PARD3B: variants seen among roughly 807,000 people sequenced by gnomAD.
The protein encoded by PARD3B is par-3 family cell polarity regulator beta.
Under a neutral mutation model 130.2 loss-of-function variants are expected in PARD3B, and 103 were observed. The observed-to-expected ratio is 0.79, with a 90% confidence interval of 0.67 to 0.93. The LOEUF (loss-of-function observed/expected upper bound fraction) is 0.93. Ranked by LOEUF, PARD3B falls within the 40% of genes least tolerant of loss-of-function variation. The pLI is 0.00. For synonymous variants in PARD3B, 583 were observed against 553.2 expected (o/e 1.05, Z -0.76); for missense variants, 1,609 against 1,499.2 (o/e 1.07, Z -1.21).
At position 204,712,660 on chromosome 2, in the gene PARD3B, T is replaced by C. The variant is rs61014400; in HGVS notation, c.222+26378T>C. 0.012 allele frequency among the ~76,000 whole-genome samples: 1,790 copies of C among 151,748 alleles called. 71 individuals are homozygous for C. The East Asian group carries it at 0.14, about 12-fold the overall frequency. ...AAAGTGAACAACAAAAAATTGTTTT[T>C]CCTTTTTATTAGCAATATAATCCAT... On this transcript the variant is annotated intron_variant, in intron 2 of 22. Coordinates refer to ENST00000406610, the MANE Select transcript of PARD3B (RefSeq NM_001302769.2).
At chr2:205,542,380 G>GTGTGTGTGTGTGTGTGTGTGTGTGTA (rs1392791104) in intron 21 of PARD3B, among the ~76,000 whole-genome samples, 1 of 147,646 alleles carries the variant, frequency 6.8e-6, no homozygotes, top group African/African-American at 2.5e-5. Context: ...GTGTGTGTGT[G>GTGTGTGTGTGTGTGTGTGTGTGTGTA]TGTATGTATG....
rs1689106362 is a variant in PARD3B, at chr2:204,943,875, G to A, written c.223-21277G>A. 6.6e-6 allele frequency among the ~76,000 whole-genome samples: 1 copy of A among 152,108 alleles called. No individual in the cohort carries two copies. Among genetic ancestry groups the A allele is most frequent in the African/African-American group, 2.4e-5 (1 of 41,432 alleles). On this transcript the variant is annotated intron_variant, in intron 2 of 22. Transcript: ENST00000406610. The surrounding 1 kb of genome is among the most constrained non-coding windows in gnomAD (Gnocchi z 4.2). ...ACTGAGATTTCAGAGGGGAAACAAA[G>A]TTAAAGCCCAAAGAGTAAAATACTA...
chr2:205,368,860 CAAA>C (rs76938901), intron 18 of PARD3B, among the ~76,000 whole-genome samples: 6 of 146,944 alleles, frequency 4.1e-5, no homozygotes, highest in South Asian at 2.1e-4. Context: ...CTTGGGAAAA[CAAA>C]AAAAAAAAAA....
chr2:204,616,249 G>A (rs1388632599), intron 1 of PARD3B, among the ~76,000 whole-genome samples: 1 of 152,138 alleles, frequency 6.6e-6, no homozygotes, highest in East Asian at 1.9e-4. Flanking sequence ...TCTAAAATAT[G>A]CAAAGAATAT....
Position 204,941,200 on chromosome 2 carries a change from T to C in PARD3B, c.223-23952T>C, listed in dbSNP as rs201212166. Among the ~76,000 whole-genome samples the C allele has an allele frequency of 2.0e-5, 3 of 152,208 alleles. No homozygotes were observed. In the East Asian group the frequency reaches 5.8e-4, roughly 29 times the overall value. ...ACCAGTCTGTCCAACATGGCCAAAC[T>C]CCGTCTCTACTAAAAATACAAAAAT... On this transcript the variant is annotated intron_variant, in intron 2 of 22. Transcript: ENST00000406610.
chr2:205,275,642 C>T (rs899393698), intron 16 of PARD3B, among the ~76,000 whole-genome samples: 6 of 151,832 alleles, frequency 4.0e-5, no homozygotes, highest in African/African-American at 1.5e-4. Context: ...TCGAGACCAG[C>T]CTTACCAACA....
chr2:204,928,700 C>T (rs542334937), intron 2 of PARD3B, among the ~76,000 whole-genome samples: 15 of 152,080 alleles, frequency 9.9e-5, no homozygotes, highest in Non-Finnish European at 1.9e-4. Context: ...CAGAACTTTA[C>T]CTTCCCTTGC....
chr2:205,523,638 A>AACCTGTGGTATTTAATATACAG (rs2051193563), intron 21 of PARD3B, among the ~76,000 whole-genome samples: 1 of 152,104 alleles, frequency 6.6e-6, no homozygotes, highest in African/African-American at 2.4e-5. Flanking sequence ...TATACTTTTT[A>AACCTGTGGTATTTAATATACAG]ACCTGTGGTA....
chr2:205,365,097 G>A (rs1225577851), intron 18 of PARD3B, among the ~76,000 whole-genome samples: 2 of 152,034 alleles, frequency 1.3e-5, no homozygotes, highest in African/African-American at 2.4e-5. Context: ...CTACTTGGGA[G>A]GCTAAGGCAG....
chr2:205,230,389 G>A lies in PARD3B; in HGVS notation c.2141-15389G>A, dbSNP rs762409412. Among the ~76,000 whole-genome samples the A allele has an allele frequency of 1.3e-5, 2 of 152,136 alleles. No individual in the cohort carries two copies. Among genetic ancestry groups the A allele is most frequent in the Admixed American group, 6.5e-5 (1 of 15,280 alleles). ...TCTGGGTTCTCCCCTTCAAAGCTGCGAGTTTCCTTCTGGCAGAGTGTGTGT... is the reference window on the plus strand; with the variant it reads ...TCTGGGTTCTCCCCTTCAAAGCTGCAAGTTTCCTTCTGGCAGAGTGTGTGT... On this transcript the variant is annotated intron_variant, in intron 15 of 22. Transcript: ENST00000406610. This position sits in a 1 kb window ranked among gnomAD's most constrained non-coding sequence, Gnocchi z 4.1.
chr2:204,828,459 A>G (rs1176519676), intron 2 of PARD3B, among the ~76,000 whole-genome samples: 1 of 152,148 alleles, frequency 6.6e-6, no homozygotes, highest in Non-Finnish European at 1.5e-5. Flanking sequence ...CTCCGTAAGT[A>G]ATTCTTATTC....
intron 2 of PARD3B, among the ~76,000 whole-genome samples, chr2:204,876,172 G>A (rs527446482): frequency 6.6e-6 from 1 of 152,278 alleles, no homozygotes; most frequent in East Asian, 1.9e-4. Flanking sequence ...AAGTAAAAAG[G>A]ACATACTGTA....
chr2:205,490,677 G>T (rs1159501099), intron 20 of PARD3B, among the ~76,000 whole-genome samples: 1 of 152,148 alleles, frequency 6.6e-6, no homozygotes, highest in Admixed American at 6.5e-5. Flanking sequence ...GATCCCTGAG[G>T]AATCGCCACA....
Position 205,125,026 on chromosome 2 carries a change from T to C in PARD3B, c.1305+560T>C, listed in dbSNP as rs2031218171. 6.6e-6 allele frequency among the ~76,000 whole-genome samples: 1 copy of C among 152,230 alleles called. No individual in the cohort carries two copies. Among genetic ancestry groups the C allele is most frequent in the East Asian group, 1.9e-4 (1 of 5,196 alleles). On this transcript the variant is annotated intron_variant, in intron 9 of 22. Transcript: ENST00000406610. The surrounding 1 kb of genome is among the most constrained non-coding windows in gnomAD (Gnocchi z 4.0). ...GGACATTATCGTCTTGATAATTATA[T>C]ATTGTCCATTTACCTTTGAAGCAAA...
intron 19 of PARD3B, among the ~76,000 whole-genome samples, chr2:205,424,405 T>G (rs2047074085): frequency 6.6e-6 from 1 of 152,168 alleles, no homozygotes; most frequent in South Asian, 2.1e-4. Flanking sequence ...TAATGAAGAC[T>G]CTATGTAACC....
At chr2:205,231,063 C>T (rs2038810310) in intron 15 of PARD3B, among the ~76,000 whole-genome samples, 1 of 152,082 alleles carries the variant, frequency 6.6e-6, no homozygotes, top group Non-Finnish European at 1.5e-5. Context: ...TTCCTATCCC[C>T]TTCAGTGCCT....
intron 6 of PARD3B, 125 bp downstream of exon 6, chr2:205,113,702 C>A: frequency 1.6e-6 from 1 of 626,706 alleles, no homozygotes; most frequent in Non-Finnish European, 2.6e-6. Context: ...TACCTCAAGA[C>A]ATACTTCTGT....
intron 22 of PARD3B, among the ~76,000 whole-genome samples, chr2:205,574,799 G>A (rs972323362): frequency 1.4e-5 from 2 of 145,142 alleles, no homozygotes; most frequent in African/African-American, 5.1e-5. Context: ...GATGGGGAAA[G>A]AAGGTAAGGA....
In PARD3B at chr2:205,168,320, A is replaced by AGAGAGAGAGAGAGTGTGT. The variant is rs371904121; in HGVS notation, c.1621-3890_1621-3889insAGAGAGAGAGAGTGTGTG. Among the ~76,000 whole-genome samples the AGAGAGAGAGAGAGTGTGT allele has an allele frequency of 1.9e-3, 225 of 119,756 alleles. 1 individual carries two copies. The highest frequency in any genetic ancestry group is 3.1e-3 in the Non-Finnish European group (183 of 58,460). 78.6% of individuals were successfully genotyped at this position (119,756 alleles called of 152,430 possible). A position where few individuals can be genotyped will look rare whatever the true frequency, so the allele number is the denominator to read the frequency against. Reference sequence around the variant, plus strand: ...GAGAGAGAGAGAGAGAGAGAGAGAGAGTGTGTGTGTGTGAATATTGCAAGC... The same window carrying AGAGAGAGAGAGAGTGTGT: ...GAGAGAGAGAGAGAGAGAGAGAGAGAGAGAGAGAGAGAGTGTGTGTGTGTGTGTGTGAATATTGCAAGC... On this transcript the variant is annotated intron_variant, in intron 11 of 22. Transcript: ENST00000406610.
Sources: gnomAD v4.1 joint callset for allele counts (sites outside exome capture counted in the v4.1 genomes callset) on GRCh38, gnomAD v4.1.1 for gene constraint, Gnocchi (gnomAD v3.1) non-coding constraint, MANE v1.5 for transcripts, NCBI Gene and HGNC (gene_info 2026-07-23, HGNC 2026-07-21) for gene names.